Variants in FAR2 observed in about 807,000 individuals in gnomAD.
FAR2 encodes epididymis secretory protein Li 81.
FAR2 carries 19 observed loss-of-function variants against 56.0 expected under a neutral mutation model. That is an observed-to-expected ratio of 0.34 (90% CI 0.24 to 0.50). FAR2 has a LOEUF of 0.50. Ranked by LOEUF, FAR2 falls within the 20% of genes least tolerant of loss-of-function variation. The probability of loss-of-function intolerance (pLI) is 0.98; values close to 1 mark genes in which losing one functional copy is unlikely to be tolerated. For synonymous variants in FAR2, 219 were observed against 218.8 expected, an observed-to-expected ratio of 1.00 and a Z score of -0.01; for missense variants, 508 against 642.2, an observed-to-expected ratio of 0.79 and a Z score of 2.26.
intron 4 of FAR2, among the ~76,000 whole-genome samples, chr12:29,302,790 G>A (rs916644240): frequency 3.3e-5 from 5 of 152,104 alleles, no homozygotes; most frequent in African/African-American, 1.2e-4. Context: ...TTAGCATAGG[G>A]AGTAGACGGA....
intron 1 of FAR2, among the ~76,000 whole-genome samples, chr12:29,181,882 C>G (rs1423357009): frequency 6.6e-6 from 1 of 152,084 alleles, no homozygotes; most frequent in Non-Finnish European, 1.5e-5. Flanking sequence ...GATTTTTAGG[C>G]CTTTGTATTT....
chr12:29,311,694 A>ACACACACAC (rs397953251), intron 7 of FAR2, among the ~76,000 whole-genome samples, 189 bp from the exon 8 acceptor site: 10 of 150,810 alleles, frequency 6.6e-5, no homozygotes, highest in Middle Eastern at 3.4e-3. Flanking sequence ...ACACACACAC[A>ACACACACAC]TGCTTTTCCT....
At chr12:29,305,906 C>T (rs1949247361) in intron 4 of FAR2, among the ~76,000 whole-genome samples, 1 of 152,062 alleles carries the variant, frequency 6.6e-6, no homozygotes, top group Non-Finnish European at 1.5e-5. Context: ...TCCATGTACC[C>T]CAACATTAAT....
intron 4 of FAR2, among the ~76,000 whole-genome samples, chr12:29,299,213 C>CAGAAAAAAA (rs1565512259): frequency 9.7e-6 from 1 of 103,592 alleles, no homozygotes; most frequent in Non-Finnish European, 1.9e-5. Flanking sequence ...AACTTTGTCT[C>CAGAAAAAAA]AAAAAAAAAA....
intron 1 of FAR2, among the ~76,000 whole-genome samples, chr12:29,212,864 T>C (rs1947568376): frequency 1.3e-5 from 2 of 152,240 alleles, no homozygotes; most frequent in Non-Finnish European, 2.9e-5. Flanking sequence ...TGAATGCCCT[T>C]GGGCATGTTT....
At chr12:29,177,531 T>C (rs1046156205) in intron 1 of FAR2, among the ~76,000 whole-genome samples, 24 of 152,206 alleles carry the variant, frequency 1.6e-4, no homozygotes, top group African/African-American at 5.8e-4. Flanking sequence ...TGTGGCTAAC[T>C]AACAAGGGCT....
intron 1 of FAR2, among the ~76,000 whole-genome samples, chr12:29,255,064 G>A (rs1334221867): frequency 6.6e-6 from 1 of 152,220 alleles, no homozygotes; most frequent in African/African-American, 2.4e-5. Flanking sequence ...ATGCATTTGT[G>A]TGTGTATTAC....
At chr12:29,239,033 C>G (rs1322697846) in intron 1 of FAR2, among the ~76,000 whole-genome samples, 1 of 152,154 alleles carries the variant, frequency 6.6e-6, no homozygotes, top group Non-Finnish European at 1.5e-5. Context: ...CAGCCAAAGA[C>G]AATCTCCCCT....
At chr12:29,240,992 G>A (rs1002356270) in intron 1 of FAR2, among the ~76,000 whole-genome samples, 1 of 152,110 alleles carries the variant, frequency 6.6e-6, no homozygotes, top group Non-Finnish European at 1.5e-5. Flanking sequence ...TTTTAGTAGA[G>A]ACGGGGTTTC....
chr12:29,203,165 AGAG>A (rs1411700315), intron 1 of FAR2, among the ~76,000 whole-genome samples: 1 of 152,232 alleles, frequency 6.6e-6, no homozygotes, highest in Non-Finnish European at 1.5e-5. Context: ...TTTACAGAGA[AGAG>A]GAGCACTTTA....
intron 1 of FAR2, among the ~76,000 whole-genome samples, chr12:29,182,806 G>T (rs1950003620): frequency 6.6e-6 from 1 of 152,150 alleles, no homozygotes; most frequent in Admixed American, 6.5e-5. Context: ...TTTAGGGGAT[G>T]AGACCCTGAG....
chr12:29,270,658 G>A lies in FAR2; in HGVS notation c.189+20G>A, dbSNP rs754656511. The A allele has an allele frequency of 3.8e-5, 60 of 1,581,326 alleles. No individual in the cohort carries two copies. The South Asian group carries it at 4.0e-4, about 11-fold the overall frequency. ...AGTAAGGTATGCCTTATAGGAAAGCGTGTGTGATGGGCAATGCCTTAGGGC... is the reference window on the plus strand; with the variant it reads ...AGTAAGGTATGCCTTATAGGAAAGCATGTGTGATGGGCAATGCCTTAGGGC... On this transcript the variant is annotated intron_variant, in intron 2 of 11. Transcript: ENST00000536681.
At chr12:29,256,426 G>A (rs1386613421) in intron 1 of FAR2, among the ~76,000 whole-genome samples, 1 of 152,132 alleles carries the variant, frequency 6.6e-6, no homozygotes. Context: ...GGCATCAAGC[G>A]ATCCTTGTGC....
At chr12:29,221,320 C>G (rs912707676) in intron 1 of FAR2, among the ~76,000 whole-genome samples, 1 of 152,084 alleles carries the variant, frequency 6.6e-6, no homozygotes, top group Non-Finnish European at 1.5e-5. Flanking sequence ...AACCACCTGA[C>G]CATCATCTGA....
At chr12:29,329,322 C>T (rs533178166) in intron 10 of FAR2, among the ~76,000 whole-genome samples, 18 of 152,146 alleles carry the variant, frequency 1.2e-4, no homozygotes, top group African/African-American at 4.3e-4. Flanking sequence ...ATTTTCCTGC[C>T]GAAATAACTC....
At chr12:29,275,404 C>A (rs544535959) in intron 2 of FAR2, among the ~76,000 whole-genome samples, 36 of 152,248 alleles carry the variant, frequency 2.4e-4, no homozygotes, top group African/African-American at 8.7e-4. Flanking sequence ...AACCGGCCAT[C>A]TGGATGTGTA....
At chr12:29,277,608 TGA>T (rs1224443684) in intron 2 of FAR2, 1 of 152,158 alleles carries the variant, frequency 6.6e-6, no homozygotes, top group Non-Finnish European at 1.5e-5. Context: ...CACGGCAATT[TGA>T]GAGAGAAAAT....
At chr12:29,304,483 C>A (rs970747980) in intron 4 of FAR2, among the ~76,000 whole-genome samples, 1 of 152,110 alleles carries the variant, frequency 6.6e-6, no homozygotes, top group Non-Finnish European at 1.5e-5. Context: ...AAAGAGAGAG[C>A]AAACATTATC....
chr12:29,181,741 C>T (rs1453727727), intron 1 of FAR2, among the ~76,000 whole-genome samples: 1 of 152,212 alleles, frequency 6.6e-6, no homozygotes, highest in Non-Finnish European at 1.5e-5. Flanking sequence ...CAATTCACAC[C>T]CTAATTATTT....
Sources: gnomAD v4.1 joint callset for allele counts (sites outside exome capture counted in the v4.1 genomes callset) on GRCh38, gnomAD v4.1.1 for gene constraint, MANE v1.5 for transcripts, NCBI Gene and HGNC (gene_info 2026-07-23, HGNC 2026-07-21) for gene names.